The following SORBS2 variants were observed in gnomAD, a reference collection of about 807,000 sequenced individuals.
SORBS2 encodes sorbin and SH3 domain containing 2.
SORBS2 carries 46 observed loss-of-function variants against 97.7 expected under a neutral mutation model. The ratio of observed to expected loss-of-function variants is 0.47; its 90% CI spans 0.37 to 0.60. The LOEUF is 0.60. SORBS2 is among the 20% of genes least tolerant of loss of function. The pLI is 0.00. For synonymous variants in SORBS2, 476 were observed against 473.4 expected (o/e 1.01, Z -0.07); for missense variants, 1,316 against 1,282.3 (o/e 1.03, Z -0.40).
At chr4:185,898,944 T>A (rs1307267241) in intron 1 of SORBS2, among the ~76,000 whole-genome samples, 1 of 152,184 alleles carries the variant, frequency 6.6e-6, no homozygotes, top group South Asian at 2.1e-4. Context: ...GGGATGTTAA[T>A]GGAACTACAC....
chr4:185,690,548 A>G lies in SORBS2; in HGVS notation c.-197-11726T>C, dbSNP rs1463548382. 2.6e-6 allele frequency: 4 copies of G among 1,511,002 alleles called. No homozygotes were observed. In the African/African-American group the frequency reaches 5.5e-5, roughly 21 times the overall value. 93.6% of individuals were successfully genotyped at this position (1,511,002 alleles called of 1,614,324 possible). On this transcript the variant is annotated intron_variant, in intron 2 of 20. Transcript: ENST00000284776. ...AGCAAGGCTAAAAGAGTTTAAAACT[A>G]ACAGACAGCATACCTGTGTTCATTT...
chr4:185,642,918 A>C (rs966627174), intron 4 of SORBS2, among the ~76,000 whole-genome samples: 2 of 152,234 alleles, frequency 1.3e-5, no homozygotes, highest in Non-Finnish European at 2.9e-5. Flanking sequence ...TTCATGGATA[A>C]ACAACAGAAC....
chr4:185,883,943 A>C (rs1474374819), intron 1 of SORBS2, among the ~76,000 whole-genome samples: 1 of 152,250 alleles, frequency 6.6e-6, no homozygotes, highest in Non-Finnish European at 1.5e-5. Context: ...TCAGTCACGT[A>C]AGTCCACATA....
chr4:185,875,530 G>C (rs2099233061), intron 1 of SORBS2, among the ~76,000 whole-genome samples: 1 of 152,226 alleles, frequency 6.6e-6, no homozygotes, highest in South Asian at 2.1e-4. Flanking sequence ...TATAGTTGTA[G>C]AGAGTGACTT....
Position 185,948,045 on chromosome 4 carries a change from TTTG to T in SORBS2, c.-338+8148_-338+8150del, listed in dbSNP as rs533539092. ...AGGCCGGTTCTTTTTTTAATGTATT[TTTG>T]TTGTTGTTGTTGTTTTCCATCTAGG... On this transcript the variant is annotated intron_variant, in intron 1 of 20. Coordinates refer to the SORBS2 transcript ENST00000284776. Among the ~76,000 whole-genome samples the T allele has an allele frequency of 2.0e-4, 31 of 152,238 alleles. No homozygotes were observed. In the East Asian group the frequency reaches 5.2e-3, roughly 26 times the overall value.
At chr4:185,927,037 T>C (rs915346300) in intron 1 of SORBS2, among the ~76,000 whole-genome samples, 1 of 151,488 alleles carries the variant, frequency 6.6e-6, no homozygotes, top group African/African-American at 2.4e-5. Context: ...ATCAAGTCAA[T>C]TTTATATGTG....
At chr4:185,792,283 C>G (rs772263908) in intron 1 of SORBS2, among the ~76,000 whole-genome samples, 1 of 152,198 alleles carries the variant, frequency 6.6e-6, no homozygotes, top group African/African-American at 2.4e-5. Context: ...CACCTGAGGT[C>G]AAGAGTTTGA....
intron 1 of SORBS2, among the ~76,000 whole-genome samples, chr4:185,879,339 G>A (rs2099235673): frequency 6.6e-6 from 1 of 151,952 alleles, no homozygotes; most frequent in South Asian, 2.1e-4. Context: ...TCCCTACAAA[G>A]GACATGAACT....
rs953320828 is a variant in SORBS2, at chr4:185,866,584, C to A, written c.-338+89612G>T. 2.0e-5 allele frequency among the ~76,000 whole-genome samples: 3 copies of A among 152,218 alleles called. No individual in the cohort carries two copies. In the East Asian group the frequency reaches 5.8e-4, roughly 29 times the overall value. On this transcript the variant is annotated intron_variant, in intron 1 of 20. Coordinates refer to the SORBS2 transcript ENST00000284776. ...CGGATTCGCTTGCTTTAGTTCAAAT[C>A]ATTAGAAAGAATTATTTCTAGGCAA...
intron 1 of SORBS2, among the ~76,000 whole-genome samples, chr4:185,806,825 T>G (rs1226481982): frequency 6.6e-6 from 1 of 152,200 alleles, no homozygotes; most frequent in Non-Finnish European, 1.5e-5. Context: ...TATTAGTCTC[T>G]GAGGGATGCT....
At chr4:185,587,045 T>C (rs1315949515) in exon 15 of SORBS2, 1 of 152,676 alleles carries the variant, frequency 6.5e-6, no homozygotes, top group Non-Finnish European at 1.5e-5. Flanking sequence ...CCTCTTGCTT[T>C]AAAGGTTGTA....
intron 4 of SORBS2, 124 bp from the exon 17 acceptor site, chr4:185,630,722 A>G: frequency 1.6e-6 from 1 of 628,576 alleles, no homozygotes. Context: ...AGTACCATTC[A>G]TTATGACTAT....
chr4:185,755,764 T>C (rs1193792213), intron 2 of SORBS2, among the ~76,000 whole-genome samples: 1 of 152,232 alleles, frequency 6.6e-6, no homozygotes, highest in Non-Finnish European at 1.5e-5. Flanking sequence ...TCACATTCAT[T>C]CTTTCAAGAC....
At chr4:185,824,903 C>T (rs879311094) in intron 1 of SORBS2, among the ~76,000 whole-genome samples, 2 of 152,154 alleles carry the variant, frequency 1.3e-5, no homozygotes, top group Non-Finnish European at 2.9e-5. Context: ...TGGCCCCACA[C>T]GGGTGGCAGG....
Position 185,626,815 on chromosome 4 carries a change from T to C in SORBS2, c.634+17A>G, listed in dbSNP as rs1182006888. ...CGTAAACTAGTAAATTGTTGTGTTT[T>C]CATTTACTATGCTCACCTTTTGCTC... is the stretch of plus-strand genomic sequence containing the variant. On this transcript the variant is annotated intron_variant, in intron 6 of 14. Transcript: ENST00000418609. 1 of 1,612,340 alleles carries C rather than the reference T, an allele frequency of 6.2e-7. No individual in the cohort carries two copies. Among genetic ancestry groups the C allele is most frequent in the South Asian group, 1.1e-5 (1 of 91,060 alleles).
At chr4:185,768,062 A>G (rs1305469310) in intron 2 of SORBS2, among the ~76,000 whole-genome samples, 1 of 152,158 alleles carries the variant, frequency 6.6e-6, no homozygotes, top group Non-Finnish European at 1.5e-5. Context: ...TTTCTAGTAC[A>G]ATATACGCCC....
intron 8 of SORBS2, among the ~76,000 whole-genome samples, chr4:185,619,262 A>T (rs569044035): frequency 1.3e-5 from 2 of 152,118 alleles, no homozygotes; most frequent in South Asian, 4.2e-4. Context: ...GGGGCCACAG[A>T]TCTCCCTGAG....
chr4:185,911,166 TTATAACA>T (rs2099254844), intron 1 of SORBS2, among the ~76,000 whole-genome samples: 1 of 152,210 alleles, frequency 6.6e-6, no homozygotes, highest in African/African-American at 2.4e-5. Flanking sequence ...CTTTATTGTC[TTATAACA>T]TAAACTTATC....
intron 1 of SORBS2, among the ~76,000 whole-genome samples, chr4:185,781,496 T>TCCCGC (rs2099028701): frequency 1.3e-5 from 2 of 151,996 alleles, no homozygotes; most frequent in South Asian, 2.1e-4. Context: ...GCCTCCAGCC[T>TCCCGC]CTCTAGCCTC....
Sources: gnomAD v4.1 joint callset for allele counts (sites outside exome capture counted in the v4.1 genomes callset) on GRCh38, gnomAD v4.1.1 for gene constraint, MANE v1.5 for transcripts, NCBI Gene and HGNC (gene_info 2026-07-23, HGNC 2026-07-21) for gene names.